The following FMN1 variants were observed in gnomAD, a reference collection of about 807,000 sequenced individuals.
FMN1 encodes formin 1, also known as formin-1.
A neutral mutation model predicts 132.4 loss-of-function variants in FMN1; 110 were observed. The ratio of observed to expected loss-of-function variants is 0.83; its 90% confidence interval spans 0.71 to 0.97. FMN1 has a LOEUF of 0.97. Ranked by LOEUF, FMN1 falls within the 50% of genes least tolerant of loss-of-function variation. The pLI is 0.00. For synonymous variants in FMN1, 722 were observed against 651.7 expected (o/e 1.11, Z -1.64); for missense variants, 1,792 against 1,705.3 (o/e 1.05, Z -0.90).
At chr15:33,011,974 T>A (rs2034753722) in intron 6 of FMN1, 1 of 227,212 alleles carries the variant, frequency 4.4e-6, no homozygotes, top group South Asian at 7.3e-5. Context: ...TGAACAATGA[T>A]ATTTTCTAAT....
intron 17 of FMN1, among the ~76,000 whole-genome samples, chr15:32,840,263 G>A (rs1375958493): frequency 6.6e-6 from 1 of 152,222 alleles, no homozygotes; most frequent in Non-Finnish European, 1.5e-5. Flanking sequence ...TGAGAGGGCA[G>A]AGAAAGCTGG....
chr15:33,186,316 C>T (rs1270804481), intron 2 of FMN1, among the ~76,000 whole-genome samples: 8 of 152,002 alleles, frequency 5.3e-5, no homozygotes, highest in African/African-American at 1.9e-4. Context: ...AACACCTGAC[C>T]ACCAATCATG....
At chr15:32,800,260 A>G (rs1348067550) in intron 18 of FMN1, among the ~76,000 whole-genome samples, 1 of 152,188 alleles carries the variant, frequency 6.6e-6, no homozygotes, top group Non-Finnish European at 1.5e-5. Context: ...GCAAATTAAA[A>G]CTACTGGTCA....
chr15:33,011,641 T>C (rs1034233954), intron 6 of FMN1, among the ~76,000 whole-genome samples: 11 of 152,032 alleles, frequency 7.2e-5, no homozygotes, highest in African/African-American at 2.7e-4. Flanking sequence ...AGATTGACAA[T>C]AGATCAATCT....
intron 7 of FMN1, among the ~76,000 whole-genome samples, chr15:32,987,224 A>AT (rs2033123436): frequency 6.6e-6 from 1 of 152,190 alleles, no homozygotes; most frequent in South Asian, 2.1e-4. Flanking sequence ...GGTCAGCTGT[A>AT]TAACATCCAC....
intron 7 of FMN1, among the ~76,000 whole-genome samples, chr15:32,991,902 C>T (rs1346868442): frequency 6.6e-6 from 1 of 152,112 alleles, no homozygotes; most frequent in East Asian, 1.9e-4. Flanking sequence ...TATTTTTGGA[C>T]ACCTAAAGGC....
chr15:33,062,269 T>G (rs2037519366), intron 6 of FMN1, among the ~76,000 whole-genome samples: 1 of 152,204 alleles, frequency 6.6e-6, no homozygotes, highest in Admixed American at 6.5e-5. Flanking sequence ...CAGTAGTTAT[T>G]TATAATACAT....
At chr15:32,985,100 ATTATC>A (rs368510318) in intron 7 of FMN1, among the ~76,000 whole-genome samples, 1 of 151,856 alleles carries the variant, frequency 6.6e-6, no homozygotes, top group African/African-American at 2.4e-5. Context: ...GCAGTTACTT[ATTATC>A]TTTTTATCTT....
At chr15:33,098,227 G>A (rs1310649288) in intron 4 of FMN1, among the ~76,000 whole-genome samples, 1 of 152,196 alleles carries the variant, frequency 6.6e-6, no homozygotes, top group Non-Finnish European at 1.5e-5. Context: ...GAGAGAAACT[G>A]ATAGCCTTAC....
At chr15:32,889,736 A>G (rs2059980296) in intron 15 of FMN1, among the ~76,000 whole-genome samples, 1 of 152,166 alleles carries the variant, frequency 6.6e-6, no homozygotes, top group South Asian at 2.1e-4. Context: ...TGTTCTCCAA[A>G]GGCCTATGAC....
chr15:33,042,683 T>A (rs1566858653), intron 6 of FMN1, among the ~76,000 whole-genome samples: 5 of 152,106 alleles, frequency 3.3e-5, no homozygotes. Flanking sequence ...TGGTGAACAA[T>A]TTGGGAAAAA....
intron 19 of FMN1, among the ~76,000 whole-genome samples, chr15:32,778,452 T>G (rs1460668716): frequency 6.6e-6 from 1 of 151,578 alleles, no homozygotes; most frequent in Non-Finnish European, 1.5e-5. Flanking sequence ...ACAATTCAAA[T>G]AAGAAGACAA....
rs376474894 is a variant in FMN1 at position 32,979,961 on chromosome 15, CCTT to C, written c.2224-10487_2224-10485del. On this transcript the variant is annotated intron_variant, in intron 7 of 20. Coordinates refer to ENST00000616417, the MANE Select transcript of FMN1 (RefSeq NM_001277313.2). ...ATGATGCATGCATGGATCACAATCA[CCTT>C]CTCCTTGCCACTTTGAGTTTTACCA... Among the ~76,000 whole-genome samples the C allele has an allele frequency of 3.1e-3, 465 of 152,286 alleles. 3 individuals carry two copies. The highest frequency in any genetic ancestry group is 0.01 in the Middle Eastern group (3 of 294).
chr15:33,124,498 G>A (rs935064499), intron 4 of FMN1, among the ~76,000 whole-genome samples: 2 of 152,042 alleles, frequency 1.3e-5, no homozygotes, highest in Admixed American at 6.6e-5. Context: ...TTGGGACTGA[G>A]CATTGGGATT....
intron 15 of FMN1, among the ~76,000 whole-genome samples, chr15:32,890,659 A>T (rs952126629): frequency 5.3e-5 from 8 of 152,218 alleles, no homozygotes; most frequent in Non-Finnish European, 1.2e-4. Flanking sequence ...TCTGGATACT[A>T]GTCCTTTGTC....
At chr15:33,032,947 G>T (rs1235091721) in intron 6 of FMN1, among the ~76,000 whole-genome samples, 2 of 152,140 alleles carry the variant, frequency 1.3e-5, no homozygotes, top group African/African-American at 4.8e-5. Context: ...TTAAGTATTT[G>T]TTCAACGCTT....
intron 9 of FMN1, among the ~76,000 whole-genome samples, chr15:32,932,610 T>C (rs951014871): frequency 6.6e-6 from 1 of 152,210 alleles, no homozygotes; most frequent in Non-Finnish European, 1.5e-5. Flanking sequence ...GGTAGAATTC[T>C]CCACTGAAGC....
chr15:33,073,360 G>A (rs916694002), intron 5 of FMN1, among the ~76,000 whole-genome samples: 6 of 152,132 alleles, frequency 3.9e-5, no homozygotes, highest in South Asian at 2.1e-4. Context: ...TGCGAAAACC[G>A]TTTGAAACAA....
At chr15:32,881,977 C>T (rs1249228348) in intron 16 of FMN1, among the ~76,000 whole-genome samples, 6 of 151,936 alleles carry the variant, frequency 3.9e-5, no homozygotes, top group African/African-American at 1.2e-4. Context: ...TTTTGGGTCA[C>T]GAAGGAATAA....
Sources: allele counts gnomAD v4.1 joint callset (sites outside exome capture counted in the v4.1 genomes callset), GRCh38; gene constraint gnomAD v4.1.1; transcripts MANE v1.5; gene names NCBI Gene and HGNC (gene_info 2026-07-23, HGNC 2026-07-21).